YES1: variants seen among roughly 807,000 people sequenced by gnomAD.
The protein encoded by YES1 is tyrosine-protein kinase Yes.
A neutral mutation model predicts 70.4 loss-of-function variants in YES1; 39 were observed. The ratio of observed to expected loss-of-function variants is 0.55; its 90% CI spans 0.43 to 0.72. The LOEUF (loss-of-function observed/expected upper bound fraction) is 0.72. Ranked by LOEUF, YES1 falls within the 30% of genes least tolerant of loss-of-function variation. The pLI, the probability that YES1 is intolerant of heterozygous loss-of-function variation, is 0.00. For missense variants in YES1, 495 were observed against 644.8 expected (o/e 0.77, Z 2.52); for synonymous variants, 198 against 218.6 (o/e 0.91, Z 0.83).
chr18:792,554 T>TCTCTCC (rs137948751), intron 1 of YES1, among the ~76,000 whole-genome samples: 31 of 126,902 alleles, frequency 2.4e-4, no homozygotes, highest in African/African-American at 5.0e-4. Flanking sequence ...TCTCTCTCTC[T>TCTCTCC]CCCTCTGTAT....
chr18:812,728 C>T (rs1344552251), upstream of YES1, among the ~76,000 whole-genome samples: 1 of 152,206 alleles, frequency 6.6e-6, no homozygotes, highest in African/African-American at 2.4e-5. Context: ...CTCTGCCTTT[C>T]TCTGTTCCTT....
At chr18:800,796 T>G (rs182313757) in intron 1 of YES1, among the ~76,000 whole-genome samples, 1 of 152,228 alleles carries the variant, frequency 6.6e-6, no homozygotes, top group Admixed American at 6.5e-5. Flanking sequence ...GCCTATAATC[T>G]CAGCACTCTG....
At chr18:748,083 T>C (rs968968892) in intron 3 of YES1, 65 bp from the exon 4 acceptor site, 3 of 1,308,044 alleles carry the variant, frequency 2.3e-6, no homozygotes, top group Admixed American at 1.7e-5. Flanking sequence ...TATATTGCAG[T>C]GCTATCTTGT....
In YES1 at chr18:748,056, T is replaced by C. The variant is rs770857147; in HGVS notation, c.372-38A>G. The C allele has an allele frequency of 8.3e-6, 13 of 1,571,856 alleles. No individual in the cohort carries two copies. The Admixed American group carries it at 2.2e-4, about 26-fold the overall frequency. ...AAACAGCAATCACCGCAAGGTAGAC[T>C]ATTGCCCAAGGTACAATATATTGCA... On this transcript the variant is annotated intron_variant, in intron 3 of 11. Transcript: ENST00000314574.
intron 10 of YES1, among the ~76,000 whole-genome samples, chr18:734,398 C>CA (rs903168959): frequency 3.1e-4 from 42 of 134,118 alleles, no homozygotes; most frequent in East Asian, 4.6e-4. Flanking sequence ...ACTAAAAATA[C>CA]AAAAAAAAAA....
At position 745,720 on chromosome 18, in the gene YES1, T is replaced by G; in HGVS notation, c.712A>C (p.Lys238Gln). 2 of 1,608,936 alleles carry G rather than the reference T, an allele frequency of 1.2e-6. No individual in the cohort carries two copies. Among genetic ancestry groups the G allele is most frequent in the East Asian group, 2.2e-5 (1 of 44,772 alleles). The change falls in exon 6 of 12, where the codon AAA (lysine) becomes CAA (glutamine). Residue 238 changes from lysine (K) to glutamine (Q), a missense_variant. Lys to Gln is a moderately conservative substitution (Grantham distance 53). Around this residue, in one of 2 missense-constraint regions of YES1, gnomAD observed 385 missense variants for 540.9 expected, o/e 0.71. Transcript: ENST00000314574. ...AQFDTLQKLV[K>Q]HYTEHADGLC... is the part of the protein sequence containing the mutation. The stretch of plus-strand genomic sequence containing the variant: ...AATATTCACATACCTGTGTAGTGTT[T>G]CACCAATTTCTGCAGAGTATCAAAT...
At chr18:734,172 G>A (rs561374159) in intron 10 of YES1, among the ~76,000 whole-genome samples, 53 of 152,150 alleles carry the variant, frequency 3.5e-4, no homozygotes, top group Admixed American at 8.5e-4. Context: ...CCAGCTACTC[G>A]GGAGGCTGAG....
At chr18:742,095 T>C (rs891651096) in intron 8 of YES1, among the ~76,000 whole-genome samples, 18 of 152,186 alleles carry the variant, frequency 1.2e-4, no homozygotes, top group Non-Finnish European at 2.4e-4. Flanking sequence ...GTGACTACTG[T>C]ATATTATTGG....
intron 1 of YES1, among the ~76,000 whole-genome samples, chr18:794,484 C>T (rs779356333): frequency 6.6e-6 from 1 of 152,068 alleles, no homozygotes; most frequent in Non-Finnish European, 1.5e-5. Flanking sequence ...ATTATTAGGA[C>T]AATTGGAAAA....
At chr18:751,342 T>C (rs2080340048) in intron 3 of YES1, among the ~76,000 whole-genome samples, 1 of 152,128 alleles carries the variant, frequency 6.6e-6, no homozygotes, top group Non-Finnish European at 1.5e-5. Context: ...CTCCTTTTTT[T>C]TTAATAGAAT....
chr18:732,918 C>T lies in YES1; in HGVS notation c.1339G>A (p.Gly447Ser). 1 of 1,614,150 alleles carries T rather than the reference C, an allele frequency of 6.2e-7. No individual in the cohort carries two copies. Among genetic ancestry groups the T allele is most frequent in the Non-Finnish European group, 8.5e-7 (1 of 1,180,022 alleles). Reference protein sequence around the residue: ...KWTAPEAALYGRFTIKSDVWS... With the variant: ...KWTAPEAALYSRFTIKSDVWS... ...ACATCAGACTTTATTGTAAACCGAC[C>T]ATACAGTGCAGCTTCAGGAGCTGTC... Residue 447 changes from glycine (G) to serine (S), a missense_variant, in exon 11 of 12, where the codon GGT becomes AGT. By Grantham distance (56) the Gly-to-Ser change is moderately conservative. Transcript: ENST00000314574.
At chr18:763,703 CAAAA>C (rs71174286) in intron 1 of YES1, among the ~76,000 whole-genome samples, 1 of 63,696 alleles carries the variant, frequency 1.6e-5, no homozygotes, top group South Asian at 6.4e-4. Flanking sequence ...ATCCTGTCTT[CAAAA>C]AAAAAAAAAA....
intron 5 of YES1, 42 bp from the exon 6 acceptor site, chr18:745,899 T>C: frequency 3.1e-6 from 5 of 1,605,344 alleles, no homozygotes; most frequent in Non-Finnish European, 3.4e-6. Context: ...TTTCTCAAAA[T>C]ACTGCCCCAA....
intron 1 of YES1, among the ~76,000 whole-genome samples, chr18:800,328 A>G (rs918708085): frequency 6.6e-6 from 1 of 152,232 alleles, no homozygotes; most frequent in Non-Finnish European, 1.5e-5. Flanking sequence ...GAACAACTTT[A>G]GTAACCAAAA....
chr18:724,547 T>A lies in YES1; in HGVS notation c.1509A>T (p.Glu503Asp). The A allele has an allele frequency of 2.5e-6, 4 of 1,614,156 alleles. No individual in the cohort carries two copies. The highest frequency in any genetic ancestry group is 3.4e-6 in the Non-Finnish European group (4 of 1,180,036). The change falls in exon 12 of 12, where the codon GAA becomes GAT. Residue 503 changes from glutamate (E) to aspartate (D), a missense_variant. By Grantham distance (45) the Glu-to-Asp change is conservative. Around this residue, in one of 2 missense-constraint regions of YES1, gnomAD observed 385 missense variants for 540.9 expected, o/e 0.71. Transcript: ENST00000314574. The stretch of plus-strand genomic sequence containing the variant: ...CCTTCTTCCAACACAGATTCATCAA[T>A]TCATGGAGGGATTCTGGACAGCCCT... ...CPQGCPESLH[E>D]LMNLCWKKDP...
At chr18:756,114 T>C (rs1266297294) in intron 2 of YES1, among the ~76,000 whole-genome samples, 1 of 152,222 alleles carries the variant, frequency 6.6e-6, no homozygotes, top group Non-Finnish European at 1.5e-5. Flanking sequence ...ATCAGCAGCA[T>C]CTGGGAGAAA....
chr18:731,824 G>A (rs1045946336), intron 11 of YES1, among the ~76,000 whole-genome samples: 1 of 151,934 alleles, frequency 6.6e-6, no homozygotes, highest in African/African-American at 2.4e-5. Context: ...AAAATTAGCT[G>A]GGCGTGGTGG....
rs1906746414 is a variant in YES1, at chr18:800,107, CGT to C, written c.-9+12005_-9+12006del. On this transcript the variant is annotated intron_variant, in intron 1 of 11. Transcript: ENST00000314574. The stretch of plus-strand genomic sequence containing the variant: ...ATGCTTATTTGAAATTCATCCTGAG[CGT>C]TAATGATACTAGTTTAGCACAAGTC... Among the ~76,000 whole-genome samples the C allele has an allele frequency of 2.0e-5, 3 of 152,158 alleles. No individual in the cohort carries two copies. In the South Asian group the frequency reaches 6.2e-4, roughly 31 times the overall value.
chr18:760,801 G>C (rs543840819), intron 1 of YES1, among the ~76,000 whole-genome samples: 1 of 152,316 alleles, frequency 6.6e-6, no homozygotes, highest in Non-Finnish European at 1.5e-5. Flanking sequence ...CACATTGAGA[G>C]GGGCAGGGGT....
Sources: allele counts gnomAD v4.1 joint callset (sites outside exome capture counted in the v4.1 genomes callset), GRCh38; gene constraint gnomAD v4.1.1; regional missense constraint gnomAD v4.1.1; transcripts MANE v1.5; gene names NCBI Gene and HGNC (gene_info 2026-07-23, HGNC 2026-07-21).